WDR49: variants seen among roughly 807,000 people sequenced by gnomAD.
WDR49 encodes the protein cilia- and flagella-associated protein 337.
A neutral mutation model predicts 119.5 loss-of-function variants in WDR49; 107 were observed. The observed-to-expected ratio is 0.90, with a 90% CI of 0.77 to 1.05. The LOEUF is 1.05. Among genes scored for constraint, WDR49 ranks in the 50% least tolerant of loss-of-function variants. The pLI, the probability that WDR49 is intolerant of heterozygous loss-of-function variation, is 0.00. For synonymous variants in WDR49, 425 were observed against 418.8 expected (o/e 1.01, Z -0.18); for missense variants, 1,240 against 1,220.5 (o/e 1.02, Z -0.24).
chr3:167,516,964 A>C (rs1412322943), intron 16 of WDR49, among the ~76,000 whole-genome samples: 2 of 152,154 alleles, frequency 1.3e-5, no homozygotes, highest in Non-Finnish European at 2.9e-5. Flanking sequence ...ACACATGAAA[A>C]AATGCTCATC....
At chr3:167,618,816 A>G (rs1053653539) in intron 5 of WDR49, among the ~76,000 whole-genome samples, 2 of 152,164 alleles carry the variant, frequency 1.3e-5, no homozygotes, top group African/African-American at 4.8e-5. Flanking sequence ...GATATGATAG[A>G]CACATGGTAA....
rs962659126 is a variant in WDR49 at position 167,627,395 on chromosome 3, C to T, written c.166-103G>A. On this transcript the variant is annotated intron_variant, in intron 2 of 18. Coordinates refer to ENST00000682715, the MANE Select transcript of WDR49 (RefSeq NM_001366157.1). Reference sequence around the variant, plus strand: ...AAGGTGAATTTAATCAGCAATTCTGCCAACATGAAAAGAAAAATATTTTTT... The same window carrying T: ...AAGGTGAATTTAATCAGCAATTCTGTCAACATGAAAAGAAAAATATTTTTT... 23 of 1,079,736 alleles carry T rather than the reference C, an allele frequency of 2.1e-5. No homozygotes were observed. In the African/African-American group the frequency reaches 3.4e-4, roughly 16 times the overall value. The allele number at this position is 1,079,736 out of a possible 1,614,324, so 66.9% of individuals were successfully genotyped here.
intron 10 of WDR49, among the ~76,000 whole-genome samples, chr3:167,546,493 A>G (rs2108258574): frequency 6.6e-6 from 1 of 151,948 alleles, no homozygotes; most frequent in South Asian, 2.1e-4. Flanking sequence ...CCATTTTAGG[A>G]GTCTGAGAGA....
At chr3:167,656,814 A>G (rs545624505), upstream of WDR49, among the ~76,000 whole-genome samples, 5 of 152,328 alleles carry the variant, frequency 3.3e-5, no homozygotes, top group South Asian at 1.0e-3. Context: ...CTTGCTTGCC[A>G]TGAATCAAGT....
chr3:167,607,392 C>A (rs985479582), intron 5 of WDR49, among the ~76,000 whole-genome samples: 25 of 152,076 alleles, frequency 1.6e-4, no homozygotes, highest in African/African-American at 5.6e-4. Flanking sequence ...CTTGCTTATC[C>A]CCCATATGGA....
chr3:167,617,665 G>A lies in WDR49; in HGVS notation c.958+2764C>T, dbSNP rs78820555. On this transcript the variant is annotated intron_variant, in intron 5 of 18. Transcript: ENST00000682715. Reference sequence around the variant, plus strand: ...ATGAACTGGGAAGAGTCTATGCATTGGGCCAGGTGGGGATCTGTAATCTTC... The same window carrying A: ...ATGAACTGGGAAGAGTCTATGCATTAGGCCAGGTGGGGATCTGTAATCTTC... Among the ~76,000 whole-genome samples the A allele has an allele frequency of 8.3e-3, 1,265 of 152,214 alleles. 94 individuals carry two copies. In the East Asian group the frequency reaches 0.17, roughly 21 times the overall value.
intron 4 of WDR49, among the ~76,000 whole-genome samples, chr3:167,621,125 G>A (rs1203944283): frequency 2.0e-5 from 3 of 151,958 alleles, no homozygotes; most frequent in Non-Finnish European, 4.4e-5. Flanking sequence ...AGCATTTCAT[G>A]GGATAAATGT....
In WDR49 at chr3:167,626,923, T is replaced by C; in HGVS notation, c.535A>G (p.Ile179Val). The C allele has an allele frequency of 1.5e-6, 2 of 1,294,930 alleles. No individual in the cohort carries two copies. Among genetic ancestry groups the C allele is most frequent in the Non-Finnish European group, 2.0e-6 (2 of 1,022,708 alleles). The allele number at this position is 1,294,930 out of a possible 1,614,324, so 80.2% of individuals were successfully genotyped here. A position where few individuals can be genotyped will look rare whatever the true frequency, so the allele number is the denominator to read the frequency against. ...EHLKLQETFP[I>V]TSDATKLKHL... ...TTGAGCTTGGTGGCATCTGAAGTGA[T>C]GGGGAATGTTTCTTGCAGCTTTAAA... is the stretch of plus-strand genomic sequence containing the variant. The change falls in exon 3 of 19, where the codon ATC becomes GTC. Residue 179 changes from isoleucine (I) to valine (V), a missense_variant. By Grantham distance (29) the Ile-to-Val change is conservative (BLOSUM62 3). Coordinates refer to ENST00000682715, the MANE Select transcript of WDR49 (RefSeq NM_001366157.1).
At chr3:167,495,883 G>GAAAAAAAAAAAAAA in intron 18 of WDR49, among the ~76,000 whole-genome samples, 14 of 71,222 alleles carry the variant, frequency 2.0e-4, no homozygotes, top group Non-Finnish European at 3.0e-4. Flanking sequence ...TTAAAAATTT[G>GAAAAAAAAAAAAAA]AAAAAAAAAA....
chr3:167,602,143 C>G lies in WDR49; in HGVS notation c.1259G>C (p.Ser420Thr), dbSNP rs747438935. Residue 420 changes from serine (S) to threonine (T), a missense_variant, in exon 7 of 19, where the codon AGC (serine) becomes ACC (threonine). By Grantham distance (58) the Ser-to-Thr change is moderately conservative. Transcript: ENST00000682715. ...GTTACTTACTTTATCCTTGGAGAAG[C>G]TGAAAAGTTGTTTTCTTTCCACAAA... ...QFFVERKQLF[S>T]FSKDKVLRLW... The G allele has an allele frequency of 3.1e-6, 5 of 1,599,834 alleles. No individual in the cohort carries two copies. Among genetic ancestry groups the G allele is most frequent in the South Asian group, 1.1e-5 (1 of 89,196 alleles).
chr3:167,504,412 G>A (rs1751692096), intron 17 of WDR49, among the ~76,000 whole-genome samples: 1 of 152,228 alleles, frequency 6.6e-6, no homozygotes, highest in Non-Finnish European at 1.5e-5. Flanking sequence ...CGTAATGACT[G>A]CCTTGCTGAA....
chr3:167,572,655 A>C (rs1714003784), intron 8 of WDR49, among the ~76,000 whole-genome samples: 1 of 152,224 alleles, frequency 6.6e-6, no homozygotes, highest in South Asian at 2.1e-4. Context: ...AAATACAAAA[A>C]TGGAACAAAA....
At chr3:167,595,866 A>T (rs1481101547) in intron 7 of WDR49, among the ~76,000 whole-genome samples, 12 of 151,684 alleles carry the variant, frequency 7.9e-5, no homozygotes, top group African/African-American at 2.9e-4. Flanking sequence ...AAGATTGACA[A>T]ATGGGATCTA....
chr3:167,617,599 T>C (rs1190191347), intron 5 of WDR49, among the ~76,000 whole-genome samples: 1 of 152,090 alleles, frequency 6.6e-6, no homozygotes, highest in Non-Finnish European at 1.5e-5. Context: ...TTGCAGAATC[T>C]GGGGTATCTC....
At chr3:167,604,086 T>C (rs193268945) in intron 6 of WDR49, among the ~76,000 whole-genome samples, 99 of 152,254 alleles carry the variant, frequency 6.5e-4, no homozygotes, top group Non-Finnish European at 1.2e-3. Flanking sequence ...CATTAAAGCA[T>C]TGGGCACTTT....
intron 7 of WDR49, among the ~76,000 whole-genome samples, chr3:167,596,568 T>C (rs1168202486): frequency 2.0e-5 from 3 of 149,606 alleles, no homozygotes; most frequent in African/African-American, 7.4e-5. Flanking sequence ...ATGTCCTTTG[T>C]AGGGACATGG....
intron 8 of WDR49, among the ~76,000 whole-genome samples, chr3:167,573,530 G>A (rs541390030): frequency 2.6e-5 from 4 of 151,962 alleles, no homozygotes; most frequent in African/African-American, 9.6e-5. Flanking sequence ...CATTCCCTTA[G>A]CCATAAGAAC....
intron 6 of WDR49, 109 bp from the exon 7 acceptor site, chr3:167,602,384 T>C (rs1235097541): frequency 8.0e-6 from 8 of 995,230 alleles, no homozygotes; most frequent in South Asian, 5.3e-5. Flanking sequence ...GAATGTCAAC[T>C]GTAGGTTGAC....
At chr3:167,569,093 C>T (rs1439598096) in intron 8 of WDR49, among the ~76,000 whole-genome samples, 2 of 152,032 alleles carry the variant, frequency 1.3e-5, no homozygotes, top group South Asian at 2.1e-4. Context: ...AGGCACCCAC[C>T]ACCACACCTG....
Sources: gnomAD v4.1 joint callset for allele counts (sites outside exome capture counted in the v4.1 genomes callset) on GRCh38, gnomAD v4.1.1 for gene constraint, MANE v1.5 for transcripts, NCBI Gene and HGNC (gene_info 2026-07-23, HGNC 2026-07-21) for gene names.